ENAH: variants seen among roughly 807,000 people sequenced by gnomAD.
The protein encoded by ENAH is ENAH actin regulator, also known as protein enabled homolog.
Under a neutral mutation model 78.7 loss-of-function variants are expected in ENAH, and 23 were observed. That is an observed-to-expected ratio of 0.29 (90% CI 0.21 to 0.41). The LOEUF is 0.41. Ranked by LOEUF, ENAH falls within the 10% of genes least tolerant of loss-of-function variation. The pLI is 1.00. For missense variants in ENAH, 544 were observed against 691.0 expected, an observed-to-expected ratio of 0.79 and a Z score of 2.39; for synonymous variants, 226 against 241.0, an observed-to-expected ratio of 0.94 and a Z score of 0.58.
At position 225,494,901 on chromosome 1, in the gene ENAH, G is replaced by A. The variant is rs191512786; in HGVS notation, c.*2874C>T. The stretch of plus-strand genomic sequence containing the variant: ...AAACAAATTTAAACGAAATAGTTAC[G>A]GTAAAAATAGCAGAAAACTGAAAAT... On this transcript the variant is annotated 3_prime_UTR_variant, in exon 14 of 14. Transcript: ENST00000366843. The A allele has an allele frequency of 2.6e-5, 4 of 152,540 alleles. No individual in the cohort carries two copies. The highest frequency in any genetic ancestry group is 3.9e-4 in the East Asian group (2 of 5,178). The allele number at this position is 152,540 out of a possible 1,614,324, so 9.4% of individuals were successfully genotyped here.
At chr1:225,504,553 TA>T (rs756999300) in intron 11 of ENAH, among the ~76,000 whole-genome samples, 1 of 152,204 alleles carries the variant, frequency 6.6e-6, no homozygotes, top group Admixed American at 6.5e-5. Context: ...TGTTAGATGT[TA>T]AACTGTCCAA....
chr1:225,500,712 C>T (rs1022547569), intron 12 of ENAH, among the ~76,000 whole-genome samples: 3 of 152,162 alleles, frequency 2.0e-5, no homozygotes, highest in Non-Finnish European at 2.9e-5. Context: ...CCATTGTTTT[C>T]TTTACAACTG....
At chr1:225,636,749 T>C (rs915068775) in intron 1 of ENAH, among the ~76,000 whole-genome samples, 1 of 152,170 alleles carries the variant, frequency 6.6e-6, no homozygotes, top group Non-Finnish European at 1.5e-5. Context: ...TTTTAATTTA[T>C]TCAAAAAAGT....
At position 225,498,264 on chromosome 1, in the gene ENAH, G is replaced by A. The variant is rs940553443; in HGVS notation, c.1675+83C>T. 5 of 1,116,204 alleles carry A rather than the reference G, an allele frequency of 4.5e-6. No individual in the cohort carries two copies. In the African/African-American group the frequency reaches 4.7e-5, roughly 11 times the overall value. 69.1% of individuals were successfully genotyped at this position (1,116,204 alleles called of 1,614,324 possible). A position where few individuals can be genotyped will look rare whatever the true frequency, so the allele number is the denominator to read the frequency against. ...TCATTGCCCTCAACTAATCAGCTGG[G>A]TATTTCCTTATTTGCATTTTCTTAA... On this transcript the variant is annotated intron_variant, in intron 13 of 13. Coordinates refer to ENST00000366843, the MANE Select transcript of ENAH (RefSeq NM_018212.6).
intron 2 of ENAH, among the ~76,000 whole-genome samples, chr1:225,561,679 A>G (rs1197575944): frequency 1.4e-5 from 2 of 142,928 alleles, no homozygotes. Flanking sequence ...TCACTTAATA[A>G]CTACTTATTG....
intron 4 of ENAH, among the ~76,000 whole-genome samples, chr1:225,525,566 A>G (rs2096497099): frequency 6.6e-6 from 1 of 151,834 alleles, no homozygotes; most frequent in South Asian, 2.1e-4. Context: ...AGCGCCCCCA[A>G]CCGGATGGGC....
At chr1:225,646,906 T>C (rs1318783623) in intron 1 of ENAH, among the ~76,000 whole-genome samples, 4 of 152,190 alleles carry the variant, frequency 2.6e-5, no homozygotes, top group East Asian at 1.9e-4. Flanking sequence ...TACCCAGTGA[T>C]TGGTATTTGA....
chr1:225,610,061 C>A (rs2096980088), intron 1 of ENAH, among the ~76,000 whole-genome samples: 1 of 151,682 alleles, frequency 6.6e-6, no homozygotes, highest in Non-Finnish European at 1.5e-5. Context: ...AAATCATGCT[C>A]TAATTTTTTA....
intron 11 of ENAH, among the ~76,000 whole-genome samples, chr1:225,502,091 C>A (rs1358152476): frequency 6.6e-6 from 1 of 152,074 alleles, no homozygotes; most frequent in Non-Finnish European, 1.5e-5. Flanking sequence ...AAGCAAGACC[C>A]AAAAGGCATA....
chr1:225,592,252 A>G (rs2096880596), intron 1 of ENAH, among the ~76,000 whole-genome samples: 1 of 152,220 alleles, frequency 6.6e-6, no homozygotes, highest in Admixed American at 6.5e-5. Flanking sequence ...TTAACAAACA[A>G]TCCCAAAGAC....
chr1:225,498,953 T>G (rs2096265422), intron 12 of ENAH, among the ~76,000 whole-genome samples: 1 of 152,170 alleles, frequency 6.6e-6, no homozygotes, highest in South Asian at 2.1e-4. Flanking sequence ...AGGCCCTGGT[T>G]GACCCATGCT....
intron 2 of ENAH, among the ~76,000 whole-genome samples, chr1:225,560,047 G>A (rs1448542486): frequency 2.6e-5 from 4 of 152,156 alleles, no homozygotes; most frequent in Non-Finnish European, 5.9e-5. Flanking sequence ...AGGAGACACC[G>A]AGTCAAAGTG....
chr1:225,637,877 C>T (rs931796082), intron 1 of ENAH, among the ~76,000 whole-genome samples: 2 of 152,058 alleles, frequency 1.3e-5, no homozygotes, highest in Non-Finnish European at 2.9e-5. Context: ...GAGCTATGAT[C>T]GCGCCACTGC....
At chr1:225,567,498 C>A in intron 1 of ENAH, 84 bp from the exon 2 acceptor site, 2 of 1,361,392 alleles carry the variant, frequency 1.5e-6, no homozygotes, top group South Asian at 2.9e-5. Context: ...ACCTAGGAGT[C>A]AGTCAACGAT....
intron 10 of ENAH, among the ~76,000 whole-genome samples, chr1:225,508,222 A>C (rs2096349573): frequency 6.6e-6 from 1 of 152,162 alleles, no homozygotes; most frequent in Non-Finnish European, 1.5e-5. Flanking sequence ...ATTATAAGCT[A>C]GTACAGTAAG....
chr1:225,561,269 T>G (rs2096704120), intron 2 of ENAH, among the ~76,000 whole-genome samples: 1 of 151,678 alleles, frequency 6.6e-6, no homozygotes, highest in South Asian at 2.1e-4. Flanking sequence ...AATTAATTCT[T>G]TCACTCATCT....
At position 225,497,242 on chromosome 1, in the gene ENAH, G is replaced by A. The variant is rs2096253715; in HGVS notation, c.*533C>T. ...TTTGAAAGCACTTACAATTCCATTT[G>A]TTCCACATATTATGATCTTAACTTA... is the stretch of plus-strand genomic sequence containing the variant. On this transcript the variant is annotated 3_prime_UTR_variant, in exon 14 of 14. Transcript: ENST00000366843. The A allele has an allele frequency of 6.6e-6, 1 of 152,552 alleles. No individual in the cohort carries two copies. The highest frequency in any genetic ancestry group is 2.4e-5 in the African/African-American group (1 of 41,434). The allele number at this position is 152,552 out of a possible 1,614,324, so 9.4% of individuals were successfully genotyped here.
intron 3 of ENAH, among the ~76,000 whole-genome samples, chr1:225,533,346 T>A (rs1289379367): frequency 6.6e-6 from 1 of 152,152 alleles, no homozygotes; most frequent in Non-Finnish European, 1.5e-5. Context: ...AAACATTACT[T>A]TACACAGGTC....
chr1:225,503,230 C>T (rs2096294971), intron 11 of ENAH, among the ~76,000 whole-genome samples: 2 of 152,138 alleles, frequency 1.3e-5, no homozygotes, highest in African/African-American at 4.8e-5. Flanking sequence ...TTATCAATAA[C>T]ATTATCCCAG....
Sources: allele counts gnomAD v4.1 joint callset (sites outside exome capture counted in the v4.1 genomes callset), GRCh38; gene constraint gnomAD v4.1.1; transcripts MANE v1.5; gene names NCBI Gene and HGNC (gene_info 2026-07-23, HGNC 2026-07-21).